Variants in MED27 observed in about 807,000 individuals in gnomAD.
MED27 encodes the protein mediator of RNA polymerase II transcription subunit 27.
A neutral mutation model predicts 38.2 loss-of-function variants in MED27; 30 were observed. That is an observed-to-expected ratio of 0.79 (90% CI 0.59 to 1.07). The LOEUF (loss-of-function observed/expected upper bound fraction) is 1.07, where lower values mean the gene tolerates loss of function less well. MED27 is among the 50% of genes least tolerant of loss of function. The pLI is 0.00. For synonymous variants in MED27, 122 were observed against 153.5 expected, an observed-to-expected ratio of 0.79 and a Z score of 1.52; for missense variants, 289 against 397.5, an observed-to-expected ratio of 0.73 and a Z score of 2.32.
intron 2 of MED27, among the ~76,000 whole-genome samples, chr9:132,024,307 T>C (rs984188076): frequency 1.8e-4 from 27 of 152,212 alleles, no homozygotes. Flanking sequence ...GGGGGCAGTA[T>C]TGTTGGCCTC....
rs1838662611 is a variant in MED27 at position 131,862,178 on chromosome 9, T to C, written c.801+885A>G. 6.6e-6 allele frequency among the ~76,000 whole-genome samples: 1 copy of C among 152,080 alleles called. No individual in the cohort carries two copies. The highest frequency in any genetic ancestry group is 1.5e-5 in the Non-Finnish European group (1 of 68,020). On this transcript the variant is annotated intron_variant, in intron 7 of 7. Transcript: ENST00000292035. This position sits in a 1 kb window ranked among gnomAD's most constrained non-coding sequence, Gnocchi z 4.6. ...GTCTTCTGAGGAATGAACTCCAGGC[T>C]CTCTGAGCAGTGGCACTGTTGATGC...
chr9:132,002,573 C>G (rs1832261325), intron 3 of MED27, among the ~76,000 whole-genome samples: 1 of 152,054 alleles, frequency 6.6e-6, no homozygotes, highest in Non-Finnish European at 1.5e-5. Context: ...CTTTCTGGGC[C>G]GAAATCTATA....
At chr9:131,875,047 G>A (rs1215909549) in intron 6 of MED27, among the ~76,000 whole-genome samples, 1 of 152,122 alleles carries the variant, frequency 6.6e-6, no homozygotes. Flanking sequence ...AGCCGCCAAG[G>A]TGCCAGGCGC....
intron 2 of MED27, among the ~76,000 whole-genome samples, chr9:132,022,586 A>G (rs1304911496): frequency 6.6e-6 from 1 of 152,222 alleles, no homozygotes; most frequent in Non-Finnish European, 1.5e-5. Flanking sequence ...TATGGAATGC[A>G]AACATTTTAC....
intron 5 of MED27, among the ~76,000 whole-genome samples, chr9:131,892,406 G>T (rs1463269411): frequency 6.6e-6 from 1 of 152,190 alleles, no homozygotes; most frequent in Non-Finnish European, 1.5e-5. Context: ...ATTAAATAGA[G>T]TGTTAAAGGT....
chr9:131,960,307 G>A (rs1051628524), intron 3 of MED27, among the ~76,000 whole-genome samples: 2 of 152,140 alleles, frequency 1.3e-5, no homozygotes, highest in Non-Finnish European at 2.9e-5. Flanking sequence ...AGATTCAGTT[G>A]TGTCGTATCA....
intron 5 of MED27, among the ~76,000 whole-genome samples, chr9:131,885,388 A>T (rs1839121578): frequency 6.6e-6 from 1 of 152,214 alleles, no homozygotes; most frequent in South Asian, 2.1e-4. Context: ...TTTGATATAC[A>T]GATTGCTCAG....
intron 2 of MED27, among the ~76,000 whole-genome samples, chr9:132,020,087 T>C (rs1406955819): frequency 6.6e-6 from 1 of 152,200 alleles, no homozygotes; most frequent in Non-Finnish European, 1.5e-5. Flanking sequence ...AAAATCTAAA[T>C]TCCAGATGCA....
In MED27 at chr9:131,878,306, T is replaced by A. The variant is rs1161519912; in HGVS notation, c.723+5752A>T. On this transcript the variant is annotated intron_variant, in intron 6 of 7. Coordinates refer to ENST00000292035, the MANE Select transcript of MED27 (RefSeq NM_004269.4). The stretch of plus-strand genomic sequence containing the variant: ...ATAAATAAATAAATAAATAAATAAA[T>A]AAATAAAATAAAAATAATCAACTAA... Among the ~76,000 whole-genome samples the A allele has an allele frequency of 6.1e-5, 9 of 148,656 alleles. No individual in the cohort carries two copies. In the East Asian group the frequency reaches 1.9e-3, roughly 31 times the overall value.
chr9:132,066,604 CCAGCAACAGGCCT>C (rs2131158128), intron 2 of MED27, among the ~76,000 whole-genome samples: 1 of 152,328 alleles, frequency 6.6e-6, no homozygotes, highest in South Asian at 2.1e-4. Flanking sequence ...GGGACTGGCC[CCAGCAACAGGCCT>C]CACCAAGCCC....
intron 4 of MED27, among the ~76,000 whole-genome samples, chr9:131,921,916 C>T (rs1417177967): frequency 2.0e-5 from 3 of 151,170 alleles, no homozygotes; most frequent in Non-Finnish European, 4.4e-5. Context: ...AGCAAACTAT[C>T]GCAAGGACAG....
intron 3 of MED27, among the ~76,000 whole-genome samples, chr9:131,991,919 TACC>T (rs1831984872): frequency 6.6e-6 from 1 of 152,042 alleles, no homozygotes. Context: ...GATGGGGTTT[TACC>T]ACGTTAGCCA....
At chr9:131,864,315 CTATAGAA>C (rs1838700128) in intron 6 of MED27, among the ~76,000 whole-genome samples, 2 of 152,142 alleles carry the variant, frequency 1.3e-5, no homozygotes. Flanking sequence ...GACCCCGCCT[CTATAGAA>C]AATACAAAAA....
chr9:132,059,187 C>T (rs182500512), intron 2 of MED27, among the ~76,000 whole-genome samples: 169 of 152,282 alleles, frequency 1.1e-3, no homozygotes, highest in Middle Eastern at 6.8e-3. Flanking sequence ...ACACAACATA[C>T]GGGACCAGAA....
intron 6 of MED27, among the ~76,000 whole-genome samples, chr9:131,870,374 C>T (rs1156278871): frequency 2.0e-5 from 3 of 152,190 alleles, no homozygotes; most frequent in Non-Finnish European, 4.4e-5. Context: ...ATACAGACCT[C>T]AAGTGTACGA....
At chr9:131,923,897 A>G (rs1296447816) in intron 4 of MED27, among the ~76,000 whole-genome samples, 1 of 152,182 alleles carries the variant, frequency 6.6e-6, no homozygotes, top group Non-Finnish European at 1.5e-5. Flanking sequence ...CTTTTTTTCT[A>G]TTAACAATAT....
intron 2 of MED27, among the ~76,000 whole-genome samples, chr9:132,024,623 A>G (rs913625208): frequency 2.0e-5 from 3 of 152,252 alleles, no homozygotes; most frequent in African/African-American, 7.2e-5. Flanking sequence ...ATGAGTAGCT[A>G]TATTGAGAAG....
chr9:132,012,703 C>G (rs913226345), intron 3 of MED27, among the ~76,000 whole-genome samples: 1 of 152,148 alleles, frequency 6.6e-6, no homozygotes, highest in African/African-American at 2.4e-5. Context: ...CCATACCTTA[C>G]CCCACTCTGT....
chr9:132,005,345 G>T (rs895669566), intron 3 of MED27, among the ~76,000 whole-genome samples: 1 of 152,212 alleles, frequency 6.6e-6, no homozygotes, highest in African/African-American at 2.4e-5. Context: ...TGCTTGGGCC[G>T]TTAAATGTTT....
Sources: gnomAD v4.1 joint callset for allele counts (sites outside exome capture counted in the v4.1 genomes callset) on GRCh38, gnomAD v4.1.1 for gene constraint, Gnocchi (gnomAD v3.1) non-coding constraint, MANE v1.5 for transcripts, NCBI Gene and HGNC (gene_info 2026-07-23, HGNC 2026-07-21) for gene names.